ZNF804B: variants seen among roughly 807,000 people sequenced by gnomAD.
The protein encoded by ZNF804B is zinc finger protein 804B.
In ZNF804B, 80 loss-of-function variants were observed where a neutral mutation model predicts 101.4. That is an observed-to-expected ratio of 0.79 (90% CI 0.66 to 0.95). ZNF804B has a LOEUF of 0.95. ZNF804B is among the 40% of genes least tolerant of loss of function. ZNF804B has a pLI of 0.00. For synonymous variants in ZNF804B, 622 were observed against 558.8 expected (o/e 1.11, Z -1.59); for missense variants, 1,673 against 1,561.9 (o/e 1.07, Z -1.20).
At chr7:89,263,157 T>C (rs535115213) in intron 2 of ZNF804B, among the ~76,000 whole-genome samples, 1 of 152,276 alleles carries the variant, frequency 6.6e-6, no homozygotes, top group East Asian at 1.9e-4. Context: ...GCCTCCGTCT[T>C]CCTGACCTCC....
chr7:89,264,627 C>T (rs990560935), intron 2 of ZNF804B, among the ~76,000 whole-genome samples: 14 of 152,146 alleles, frequency 9.2e-5, no homozygotes, highest in African/African-American at 2.4e-4. Context: ...TGTTAAATAT[C>T]AGGAGTATAA....
At position 89,239,833 on chromosome 7, in the gene ZNF804B, AT is replaced by A. The variant is rs200726184; in HGVS notation, c.249+21543del. ...TATATATAAAATTTAATAGATTGAC[AT>A]TTTTATTACATTAGTTTTGAAACTT... On this transcript the variant is annotated intron_variant, in intron 2 of 3. Coordinates refer to ENST00000333190, the MANE Select transcript of ZNF804B (RefSeq NM_181646.5). Among the ~76,000 whole-genome samples the A allele has an allele frequency of 3.2e-3, 489 of 151,142 alleles. 4 individuals carry two copies. Among genetic ancestry groups the A allele is most frequent in the African/African-American group, 0.011 (444 of 41,382 alleles).
At chr7:88,783,996 G>A (rs139953632) in intron 1 of ZNF804B, among the ~76,000 whole-genome samples, 7 of 152,200 alleles carry the variant, frequency 4.6e-5, no homozygotes, top group African/African-American at 1.7e-4. Context: ...GAGATAAATG[G>A]TTCATGAATT....
At chr7:88,885,335 A>G (rs2115916605) in intron 1 of ZNF804B, among the ~76,000 whole-genome samples, 1 of 151,726 alleles carries the variant, frequency 6.6e-6, no homozygotes, top group South Asian at 2.1e-4. Flanking sequence ...GCTTGTATTT[A>G]CTATGCTAAT....
intron 2 of ZNF804B, among the ~76,000 whole-genome samples, chr7:89,290,600 T>C (rs1790274305): frequency 6.6e-6 from 1 of 152,024 alleles, no homozygotes; most frequent in African/African-American, 2.4e-5. Flanking sequence ...GGGTCTGTAG[T>C]GGTGGTAGCC....
At chr7:88,973,548 C>G (rs572713741) in intron 1 of ZNF804B, among the ~76,000 whole-genome samples, 1 of 135,976 alleles carries the variant, frequency 7.4e-6, no homozygotes, top group Non-Finnish European at 1.5e-5. Flanking sequence ...TAGAACACTT[C>G]GAAGTATAAT....
At chr7:89,286,556 G>T (rs1488910854) in intron 2 of ZNF804B, among the ~76,000 whole-genome samples, 3 of 152,296 alleles carry the variant, frequency 2.0e-5, no homozygotes, top group South Asian at 4.1e-4. Context: ...AGTCGGTGAG[G>T]TTTTCAAGAT....
At chr7:88,932,828 T>G (rs988326331) in intron 1 of ZNF804B, among the ~76,000 whole-genome samples, 3 of 151,788 alleles carry the variant, frequency 2.0e-5, no homozygotes, top group Admixed American at 6.6e-5. Flanking sequence ...TCAAGAAGAA[T>G]TCTTTGAATT....
intron 1 of ZNF804B, among the ~76,000 whole-genome samples, chr7:88,942,940 A>T (rs1180686468): frequency 6.6e-6 from 1 of 151,886 alleles, no homozygotes; most frequent in Non-Finnish European, 1.5e-5. Context: ...TTTAAATGCA[A>T]AAAGGTTTAT....
intron 2 of ZNF804B, among the ~76,000 whole-genome samples, chr7:89,222,162 A>C (rs1427971481): frequency 6.6e-6 from 1 of 151,962 alleles, no homozygotes; most frequent in Non-Finnish European, 1.5e-5. Context: ...GCAGTTAAAA[A>C]GCGTAATCTA....
At chr7:88,987,241 A>G (rs762470113) in intron 1 of ZNF804B, among the ~76,000 whole-genome samples, 1 of 152,146 alleles carries the variant, frequency 6.6e-6, no homozygotes, top group East Asian at 1.9e-4. Context: ...TACAGTATTT[A>G]TATTATTACA....
Position 89,334,989 on chromosome 7 carries a change from T to C in ZNF804B, c.2007T>C (p.His669=), listed in dbSNP as rs1239016581. ...GTACAGTAGGGGGTCACAGTGACCA[T>C]GGGAAAGACTTCAGTGTAATTTTGA... ...SPCTVGGHSD[H]GKDFSVILKS... is the part of the protein sequence containing the mutation. Residue 669 remains histidine (H), a synonymous_variant, in exon 4 of 4, where the codon CAT becomes CAC. Transcript: ENST00000333190. 2 of 1,613,870 alleles carry C rather than the reference T, an allele frequency of 1.2e-6. No individual in the cohort carries two copies. The highest frequency in any genetic ancestry group is 2.2e-5 in the South Asian group (2 of 91,080).
intron 1 of ZNF804B, among the ~76,000 whole-genome samples, chr7:89,217,725 T>C (rs1182670272): frequency 1.3e-5 from 2 of 152,174 alleles, no homozygotes; most frequent in Admixed American, 1.3e-4. Context: ...AGGCTCTATC[T>C]ATAGTGTGAA....
chr7:88,925,421 A>G (rs1245949567), intron 1 of ZNF804B, among the ~76,000 whole-genome samples: 1 of 152,144 alleles, frequency 6.6e-6, no homozygotes, highest in Non-Finnish European at 1.5e-5. Flanking sequence ...ACATGAGGCC[A>G]TTAGGGTGGG....
At chr7:88,840,872 G>C (rs1036510133) in intron 1 of ZNF804B, among the ~76,000 whole-genome samples, 3 of 152,238 alleles carry the variant, frequency 2.0e-5, no homozygotes, top group South Asian at 4.1e-4. Context: ...AAAATAAAAT[G>C]ACTTGAGATT....
chr7:88,902,887 A>G (rs927397168), intron 1 of ZNF804B, among the ~76,000 whole-genome samples: 3 of 152,108 alleles, frequency 2.0e-5, no homozygotes, highest in African/African-American at 7.2e-5. Context: ...AAACTATGCA[A>G]ATTTTCTGTT....
chr7:88,816,206 A>G (rs1336401117), intron 1 of ZNF804B, among the ~76,000 whole-genome samples: 1 of 151,996 alleles, frequency 6.6e-6, no homozygotes, highest in Non-Finnish European at 1.5e-5. Context: ...CTGGGTTCCA[A>G]ATCCCCTTTG....
intron 1 of ZNF804B, among the ~76,000 whole-genome samples, chr7:88,935,655 A>G: frequency 6.6e-6 from 1 of 152,042 alleles, no homozygotes. Context: ...AAAAATACTC[A>G]ATGTCCAAGA....
chr7:89,025,962 G>A (rs1280643662), intron 1 of ZNF804B, among the ~76,000 whole-genome samples: 1 of 152,030 alleles, frequency 6.6e-6, no homozygotes, highest in Non-Finnish European at 1.5e-5. Context: ...AAACTCCTTA[G>A]CAAATTTATT....
Sources: gnomAD v4.1 joint callset for allele counts (sites outside exome capture counted in the v4.1 genomes callset) on GRCh38, gnomAD v4.1.1 for gene constraint, MANE v1.5 for transcripts, NCBI Gene and HGNC (gene_info 2026-07-23, HGNC 2026-07-21) for gene names.